Variants in MIPOL1 observed in about 807,000 individuals in gnomAD.
MIPOL1 encodes mirror-image polydactyly 1.
In MIPOL1, 57 loss-of-function variants were observed where a neutral mutation model predicts 60.9. The ratio of observed to expected loss-of-function variants is 0.94; its 90% confidence interval spans 0.76 to 1.17. The LOEUF is 1.17. Among genes scored for constraint, MIPOL1 ranks in the 50% most tolerant of loss-of-function variants. The pLI is 0.00. For synonymous variants in MIPOL1, 179 were observed against 168.8 expected (o/e 1.06, Z -0.47); for missense variants, 551 against 511.6 (o/e 1.08, Z -0.74).
Position 37,255,669 on chromosome 14 carries a change from A to G in MIPOL1, c.19+7762A>G, listed in dbSNP as rs1288069445. Among the ~76,000 whole-genome samples, 5 of 151,758 alleles carry G rather than the reference A, an allele frequency of 3.3e-5. No homozygotes were observed. The East Asian group carries it at 9.6e-4, about 29-fold the overall frequency. ...TATTTTAGGGAATATGAAAAAACAAATTTAGAGCAAGTCAGGCTTCAAAAT... is the reference window on the plus strand; with the variant it reads ...TATTTTAGGGAATATGAAAAAACAAGTTTAGAGCAAGTCAGGCTTCAAAAT... On this transcript the variant is annotated intron_variant, in intron 3 of 12. Coordinates refer to ENST00000684589, the MANE Select transcript of MIPOL1 (RefSeq NM_001388067.1).
In MIPOL1 at chr14:37,382,333, C is replaced by T. The variant is rs147349693; in HGVS notation, c.936+12709C>T. Among the ~76,000 whole-genome samples, 919 of 152,028 alleles carry T rather than the reference C, an allele frequency of 6.0e-3. 13 individuals carry two copies. Among genetic ancestry groups the T allele is most frequent in the African/African-American group, 0.02 (850 of 41,516 alleles). On this transcript the variant is annotated intron_variant, in intron 10 of 12. Coordinates refer to ENST00000684589, the MANE Select transcript of MIPOL1 (RefSeq NM_001388067.1). ...AATTTGTTAGATCTTAAAACTTAAG[C>T]GTTCTTTCTTAACTAAAAATATATT...
intron 9 of MIPOL1, among the ~76,000 whole-genome samples, chr14:37,349,645 T>A (rs1015245531): frequency 1.3e-5 from 2 of 152,220 alleles, no homozygotes; most frequent in Non-Finnish European, 2.9e-5. Flanking sequence ...CTCAATTATG[T>A]CTTTTCTATG....
intron 3 of MIPOL1, among the ~76,000 whole-genome samples, chr14:37,255,264 G>A (rs1192205395): frequency 6.6e-6 from 1 of 151,764 alleles, no homozygotes; most frequent in Non-Finnish European, 1.5e-5. Context: ...ATAAAGGTCT[G>A]AGTGTGCATT....
chr14:37,423,082 TAAA>T lies in MIPOL1; in HGVS notation c.1031+137_1031+139del, dbSNP rs1000287434. 2.4e-5 allele frequency: 14 copies of T among 579,918 alleles called. No individual in the cohort carries two copies. The African/African-American group carries it at 2.5e-4, about 10-fold the overall frequency. The allele number at this position is 579,918 out of a possible 1,614,324, so 35.9% of individuals were successfully genotyped here. ...TATGCACTTAAAGCATTTTTATAAC[TAAA>T]AAAGATTCAGGCTTATAGTATTTAT... On this transcript the variant is annotated intron_variant, in intron 11 of 12. Coordinates refer to ENST00000684589, the MANE Select transcript of MIPOL1 (RefSeq NM_001388067.1).
intron 10 of MIPOL1, among the ~76,000 whole-genome samples, chr14:37,399,033 G>C (rs761184212): frequency 6.6e-5 from 10 of 152,142 alleles, no homozygotes; most frequent in Non-Finnish European, 1.0e-4. Flanking sequence ...ATATACTATA[G>C]AAAGCAAGAT....
At chr14:37,466,710 T>C (rs1239190801) in intron 11 of MIPOL1, among the ~76,000 whole-genome samples, 10 of 152,302 alleles carry the variant, frequency 6.6e-5, no homozygotes, top group East Asian at 1.9e-4. Context: ...CCACCAATGA[T>C]TGCACAAGCA....
chr14:37,456,502 A>G (rs1209051264), intron 11 of MIPOL1, among the ~76,000 whole-genome samples: 1 of 152,120 alleles, frequency 6.6e-6, no homozygotes. Flanking sequence ...AAAAGACCCT[A>G]ACATTCTTTG....
chr14:37,319,650 T>C (rs575727634), intron 9 of MIPOL1, among the ~76,000 whole-genome samples: 3 of 152,156 alleles, frequency 2.0e-5, no homozygotes, highest in Non-Finnish European at 4.4e-5. Context: ...TATGGAAGCT[T>C]CTATTTTTGT....
At chr14:37,375,640 C>T (rs2092756142) in intron 10 of MIPOL1, among the ~76,000 whole-genome samples, 1 of 152,114 alleles carries the variant, frequency 6.6e-6, no homozygotes, top group Non-Finnish European at 1.5e-5. Context: ...ATTATCTTTA[C>T]ATCCCAATCA....
At chr14:37,341,290 T>C (rs1035575454) in intron 9 of MIPOL1, among the ~76,000 whole-genome samples, 1 of 152,200 alleles carries the variant, frequency 6.6e-6, no homozygotes, top group African/African-American at 2.4e-5. Context: ...AGAAAACATA[T>C]CTGTAAAATG....
At chr14:37,411,915 T>C (rs1417864507) in intron 10 of MIPOL1, among the ~76,000 whole-genome samples, 4 of 152,140 alleles carry the variant, frequency 2.6e-5, no homozygotes, top group Non-Finnish European at 2.9e-5. Flanking sequence ...GTGCCTCTTA[T>C]ATAGCTTACA....
At chr14:37,209,139 A>T (rs185257109) in intron 1 of MIPOL1, among the ~76,000 whole-genome samples, 10 of 152,214 alleles carry the variant, frequency 6.6e-5, no homozygotes, top group Non-Finnish European at 1.0e-4. Context: ...AGCTGATGTT[A>T]TATTTAGTTG....
intron 9 of MIPOL1, among the ~76,000 whole-genome samples, chr14:37,368,939 A>C (rs2092561120): frequency 6.6e-6 from 1 of 152,086 alleles, no homozygotes. Context: ...TTTTACTTAA[A>C]AGTAAAATTT....
intron 11 of MIPOL1, among the ~76,000 whole-genome samples, chr14:37,453,478 A>G (rs2094444622): frequency 1.3e-5 from 2 of 152,128 alleles, no homozygotes; most frequent in South Asian, 4.1e-4. Flanking sequence ...AAAGTTATAT[A>G]GTCTTTGGAA....
At chr14:37,235,596 G>C (rs1056033089) in intron 1 of MIPOL1, among the ~76,000 whole-genome samples, 1 of 152,088 alleles carries the variant, frequency 6.6e-6, no homozygotes, top group African/African-American at 2.4e-5. Context: ...ATCATAAAAT[G>C]TACATAACAT....
intron 3 of MIPOL1, 110 bp downstream of exon 3, chr14:37,248,017 C>T (rs767134402): frequency 3.4e-5 from 34 of 988,346 alleles, no homozygotes; most frequent in African/African-American, 2.8e-4. Flanking sequence ...TAGACAAGTG[C>T]GCACACACAC....
intron 12 of MIPOL1, among the ~76,000 whole-genome samples, chr14:37,524,959 C>T (rs1458046892): frequency 2.0e-5 from 3 of 152,000 alleles, no homozygotes; most frequent in Non-Finnish European, 4.4e-5. Context: ...TGATTATTAT[C>T]ACAATAGAAA....
At chr14:37,484,659 C>G (rs570867632) in intron 11 of MIPOL1, among the ~76,000 whole-genome samples, 1 of 152,162 alleles carries the variant, frequency 6.6e-6, no homozygotes, top group African/African-American at 2.4e-5. Context: ...TTATAGTCCA[C>G]AGGTCCCTGA....
At chr14:37,204,872 G>A (rs1279281936) in intron 1 of MIPOL1, among the ~76,000 whole-genome samples, 1 of 152,122 alleles carries the variant, frequency 6.6e-6, no homozygotes, top group Non-Finnish European at 1.5e-5. Context: ...AAGAAGACAG[G>A]AAAATGTGGG....
Sources: gnomAD v4.1 joint callset for allele counts (sites outside exome capture counted in the v4.1 genomes callset) on GRCh38, gnomAD v4.1.1 for gene constraint, MANE v1.5 for transcripts, NCBI Gene and HGNC (gene_info 2026-07-23, HGNC 2026-07-21) for gene names.